Variants in TSNAXIP1 observed in about 807,000 individuals in gnomAD.
The protein encoded by TSNAXIP1 is translin associated factor X interacting protein 1.
In TSNAXIP1, 89 loss-of-function variants were observed where a neutral mutation model predicts 84.8. The observed-to-expected ratio is 1.05, with a 90% CI of 0.88 to 1.25. The LOEUF is 1.25. Ranked by LOEUF, TSNAXIP1 falls within the 50% of genes most tolerant of loss-of-function variation. The pLI, the probability that TSNAXIP1 is intolerant of heterozygous loss-of-function variation, is 0.00. For missense variants in TSNAXIP1, 874 were observed against 887.6 expected, an observed-to-expected ratio of 0.98 and a Z score of 0.20; for synonymous variants, 347 against 335.2, an observed-to-expected ratio of 1.04 and a Z score of -0.39.
chr16:67,822,473 T>A (rs1288515352), intron 4 of TSNAXIP1, among the ~76,000 whole-genome samples: 1 of 151,498 alleles, frequency 6.6e-6, no homozygotes, highest in Non-Finnish European at 1.5e-5. Flanking sequence ...ATGCTGGCAG[T>A]TGGGCAAGCA....
chr16:67,821,047 C>T, intron 3 of TSNAXIP1, 52 bp from the exon 4 acceptor site: 2 of 1,609,362 alleles, frequency 1.2e-6, no homozygotes, highest in Non-Finnish European at 1.7e-6. Context: ...AGACTGAGGG[C>T]ACAAGGGCCC....
At chr16:67,820,669 G>A (rs757595021) in intron 2 of TSNAXIP1, among the ~76,000 whole-genome samples, 170 bp from the exon 3 acceptor site, 12 of 152,040 alleles carry the variant, frequency 7.9e-5, no homozygotes, top group Non-Finnish European at 2.9e-5. Context: ...GCTTGAACCT[G>A]GGAGGCGAAG....
In TSNAXIP1 at chr16:67,821,436, A is replaced by T. The variant is rs188289693; in HGVS notation, c.387+211A>T. Among the ~76,000 whole-genome samples, 344 of 152,150 alleles carry T rather than the reference A, an allele frequency of 2.3e-3. 1 individual carries two copies. The highest frequency in any genetic ancestry group is 4.3e-3 in the Non-Finnish European group (289 of 67,992). On this transcript the variant is annotated intron_variant, in intron 4 of 15. Transcript: ENST00000561639. ...AGTACAAAAATTAGCCAGGCATGGT[A>T]GTGGGCACCTGTAGTCCCAGCTACT... is the stretch of plus-strand genomic sequence containing the variant.
At chr16:67,823,777 G>T (rs2057244080) in intron 5 of TSNAXIP1, 58 bp downstream of exon 5, 1 of 1,465,282 alleles carries the variant, frequency 6.8e-7, no homozygotes, top group Admixed American at 1.7e-5. Flanking sequence ...CAGCACTTTA[G>T]GAGGCCGAGG....
chr16:67,815,058 C>T (rs2056427117), intron 2 of TSNAXIP1, among the ~76,000 whole-genome samples: 1 of 151,688 alleles, frequency 6.6e-6, no homozygotes, highest in South Asian at 2.1e-4. Context: ...TGACTCATGC[C>T]TATAATCCCA....
In TSNAXIP1 at chr16:67,825,678, G is replaced by A. The variant is rs746179176; in HGVS notation, c.826G>A (p.Glu276Lys). 5.6e-6 allele frequency: 9 copies of A among 1,612,324 alleles called. No individual in the cohort carries two copies. Among genetic ancestry groups the A allele is most frequent in the Non-Finnish European group, 7.6e-6 (9 of 1,178,656 alleles). Residue 276 changes from glutamate to lysine, a missense_variant, in exon 8 of 16, where the codon GAG becomes AAG. Glu to Lys is a moderately conservative substitution (Grantham distance 56). Transcript: ENST00000561639. The part of the protein sequence containing the change: ...SLAQSPGIWG[E>K]DPVKLTLALK... ...CCTTCCCCTGGCAGGCATCTGGGGGGAGGACCCTGTGAAGTTAACCCTGGC... is the reference window on the plus strand; with the variant it reads ...CCTTCCCCTGGCAGGCATCTGGGGGAAGGACCCTGTGAAGTTAACCCTGGC...
chr16:67,827,048 G>A lies in TSNAXIP1; in HGVS notation c.1640G>A (p.Gly547Glu), dbSNP rs751807176. The change falls in exon 13 of 16, where the codon GGG becomes GAG. Residue 547 changes from glycine (G) to glutamate (E), a missense_variant. Gly to Glu is a moderately conservative substitution (Grantham distance 98). Transcript: ENST00000561639. ...ACAAATGCTGACAGTCAGAACGAGGGGCTACTAACCATGGAGCAGTTCAAG... is the reference window on the plus strand; with the variant it reads ...ACAAATGCTGACAGTCAGAACGAGGAGCTACTAACCATGGAGCAGTTCAAG... ...EMTNADSQNEGLLTMEQFNTV... is the reference protein window; with the variant it reads ...EMTNADSQNEELLTMEQFNTV... 1.9e-6 allele frequency: 3 copies of A among 1,614,066 alleles called. No individual in the cohort carries two copies. The highest frequency in any genetic ancestry group is 2.5e-6 in the Non-Finnish European group (3 of 1,180,026).
In TSNAXIP1 at chr16:67,807,146, G is replaced by T. The variant is rs778630220; in HGVS notation, c.-4G>T. ...GGTGCTGATTGCCCGCCTGCCCGTG[G>T]GTCATGGCCTGCCAGCAGTCGCGGT... is the stretch of plus-strand genomic sequence containing the variant. On this transcript the variant is annotated 5_prime_UTR_variant, in exon 1 of 16. Coordinates refer to ENST00000561639, the MANE Select transcript of TSNAXIP1 (RefSeq NM_001288990.3). The T allele has an allele frequency of 6.5e-7, 1 of 1,535,276 alleles. No homozygotes were observed. Among genetic ancestry groups the T allele is most frequent in the Non-Finnish European group, 8.7e-7 (1 of 1,146,828 alleles).
intron 1 of TSNAXIP1, among the ~76,000 whole-genome samples, chr16:67,811,464 CAG>C (rs1396874265): frequency 2.2e-5 from 2 of 89,150 alleles, no homozygotes; most frequent in Non-Finnish European, 3.7e-5. Context: ...TTTTTTGAGA[CAG>C]AGTCTCTCTG....
At chr16:67,827,685 G>A in intron 15 of TSNAXIP1, 68 bp from the exon 16 acceptor site, 2 of 1,610,802 alleles carry the variant, frequency 1.2e-6, no homozygotes, top group East Asian at 2.2e-5. Context: ...GCACAGAGGA[G>A]GGCACCTGGG....
rs2057320914 is a variant in TSNAXIP1, at chr16:67,824,821, C to G, written c.678+42C>G. 3 of 1,588,492 alleles carry G rather than the reference C, an allele frequency of 1.9e-6. No homozygotes were observed. The African/African-American group carries it at 4.0e-5, about 21-fold the overall frequency. On this transcript the variant is annotated intron_variant, in intron 6 of 15. Transcript: ENST00000561639. The stretch of plus-strand genomic sequence containing the variant: ...TGATGATGACCAAGTCCCCGAATTC[C>G]TGCCAACTCCACGACAAGGGTGACC...
intron 2 of TSNAXIP1, 126 bp downstream of exon 2, chr16:67,814,527 C>A: frequency 1.3e-6 from 1 of 797,546 alleles, no homozygotes. Flanking sequence ...ACCAGAGTGG[C>A]TTCTTCTCAG....
Position 67,827,900 on chromosome 16 carries a change from A to C in TSNAXIP1, c.2046A>C (p.Glu682Asp), listed in dbSNP as rs1376708686. Residue 682 changes from glutamate to aspartate, a missense_variant, in exon 16 of 16, where the codon GAA (glutamate) becomes GAC (aspartate). Glu to Asp is a conservative substitution (Grantham distance 45). Transcript: ENST00000561639. Reference sequence around the variant, plus strand: ...CAGAGGAGGGTGACGAGAAGGAAGAAGCCGTGGTGGAAATCCTCCAGACTG... The same window carrying C: ...CAGAGGAGGGTGACGAGAAGGAAGACGCCGTGGTGGAAATCCTCCAGACTG... Reference protein sequence around the residue: ...EMPEEGDEKEEAVVEILQTAL... With the variant: ...EMPEEGDEKEDAVVEILQTAL... 2 of 1,613,972 alleles carry C rather than the reference A, an allele frequency of 1.2e-6. No individual in the cohort carries two copies. The highest frequency in any genetic ancestry group is 2.7e-5 in the African/African-American group (2 of 74,924).
At chr16:67,808,793 A>G (rs2055743599) in intron 1 of TSNAXIP1, among the ~76,000 whole-genome samples, 1 of 152,106 alleles carries the variant, frequency 6.6e-6, no homozygotes, top group Admixed American at 6.6e-5. Context: ...AGAGAGAGAA[A>G]GAGAATTGTT....
chr16:67,815,966 A>ATTT (rs59743468), intron 2 of TSNAXIP1, among the ~76,000 whole-genome samples: 11 of 124,036 alleles, frequency 8.9e-5, no homozygotes, highest in African/African-American at 1.7e-4. Flanking sequence ...TGCCCGGCTA[A>ATTT]TTTTTTTTTT....
intron 1 of TSNAXIP1, among the ~76,000 whole-genome samples, chr16:67,812,208 C>T (rs572457070): frequency 1.3e-5 from 2 of 152,216 alleles, no homozygotes; most frequent in African/African-American, 2.4e-5. Context: ...TCCTTTTGTT[C>T]CACCTGAGCC....
intron 2 of TSNAXIP1, among the ~76,000 whole-genome samples, chr16:67,819,806 C>G (rs1257370539): frequency 2.9e-5 from 4 of 139,406 alleles, no homozygotes; most frequent in African/African-American, 1.1e-4. Context: ...TGCCACCACA[C>G]CTGGCTAAAT....
intron 1 of TSNAXIP1, among the ~76,000 whole-genome samples, chr16:67,812,210 A>G (rs1597993942): frequency 6.6e-6 from 1 of 151,976 alleles, no homozygotes; most frequent in African/African-American, 2.4e-5. Flanking sequence ...CTTTTGTTCC[A>G]CCTGAGCCTG....
At chr16:67,814,434 G>C (rs1029822882) in intron 2 of TSNAXIP1, 33 bp downstream of exon 2, 1 of 1,506,388 alleles carries the variant, frequency 6.6e-7, no homozygotes, top group Non-Finnish European at 8.9e-7. Context: ...AACCCCAAAT[G>C]TCAGCCCCCA....
Sources: gnomAD v4.1 joint callset for allele counts (sites outside exome capture counted in the v4.1 genomes callset) on GRCh38, gnomAD v4.1.1 for gene constraint, MANE v1.5 for transcripts, NCBI Gene and HGNC (gene_info 2026-07-23, HGNC 2026-07-21) for gene names.